Variants in SLC6A13 observed in about 807,000 individuals in gnomAD.
SLC6A13 encodes solute carrier family 6 member 13.
Under a neutral mutation model 72.9 loss-of-function variants are expected in SLC6A13, and 69 were observed. The observed-to-expected ratio is 0.95, with a 90% CI of 0.78 to 1.16. SLC6A13 has a LOEUF of 1.16. Ranked by LOEUF, SLC6A13 falls within the 50% of genes most tolerant of loss-of-function variation. The probability of loss-of-function intolerance (pLI) is 0.00; values close to 1 mark genes in which losing one functional copy is unlikely to be tolerated. For missense variants in SLC6A13, 735 were observed against 760.5 expected (o/e 0.97, Z 0.39); for synonymous variants, 303 against 303.0 (o/e 1.00, Z 0.00).
chr12:237,153 C>A lies in SLC6A13; in HGVS notation c.696+5G>T, dbSNP rs773168748. The A allele has an allele frequency of 2.5e-6, 4 of 1,613,804 alleles. No homozygotes were observed. The highest frequency in any genetic ancestry group is 3.4e-6 in the Non-Finnish European group (4 of 1,179,842). ...ATGGGAGGGGCAGGAGCTCCCCACA[C>A]GAACCTTGCCTGTGGACTTCACCCC... On this transcript the variant is annotated splice_donor_5th_base_variant and intron_variant, in intron 6 of 14. Transcript: ENST00000343164.
intron 2 of SLC6A13, among the ~76,000 whole-genome samples, chr12:247,275 C>T (rs1430487072): frequency 1.3e-5 from 2 of 151,250 alleles, no homozygotes; most frequent in Non-Finnish European, 2.9e-5. Context: ...GTCCAAGGTG[C>T]ATCATAATCA....
chr12:236,889 A>G (rs1941951768), intron 6 of SLC6A13: 2 of 338,392 alleles, frequency 5.9e-6, no homozygotes, highest in African/African-American at 2.1e-5. Context: ...CTTGTGTTCA[A>G]TTTGCAATGT....
At chr12:258,310 C>T (rs1011605018) in intron 2 of SLC6A13, among the ~76,000 whole-genome samples, 3 of 152,162 alleles carry the variant, frequency 2.0e-5, no homozygotes, top group Non-Finnish European at 4.4e-5. Context: ...TCCATGGGCC[C>T]AGGGCATCTC....
intron 5 of SLC6A13, 67 bp from the exon 6 acceptor site, chr12:237,357 G>A (rs1941972659): frequency 6.4e-7 from 1 of 1,567,000 alleles, no homozygotes; most frequent in Non-Finnish European, 8.7e-7. Flanking sequence ...CCCCGTCCTG[G>A]GACAGTGGAG....
intron 7 of SLC6A13, among the ~76,000 whole-genome samples, chr12:234,258 A>C (rs371973411): frequency 1.4e-4 from 21 of 152,344 alleles, no homozygotes; most frequent in African/African-American, 5.1e-4. Context: ...CACCAGCTCC[A>C]TGACAGTTTA....
At chr12:259,664 C>G in intron 2 of SLC6A13, 187 bp downstream of exon 2, 2 of 1,453,632 alleles carry the variant, frequency 1.4e-6, no homozygotes, top group Non-Finnish European at 1.8e-6. Flanking sequence ...TAGAAAGAGC[C>G]CTGGGATAGT....
chr12:238,845 G>A (rs1188277245), intron 4 of SLC6A13, among the ~76,000 whole-genome samples: 4 of 152,102 alleles, frequency 2.6e-5, no homozygotes, highest in African/African-American at 9.7e-5. Context: ...ACCCGGTACA[G>A]GGTGGCAGCA....
chr12:246,132 A>AAAATAAATAAATAAATAAATAAATAAAT (rs71045049), intron 2 of SLC6A13, among the ~76,000 whole-genome samples: 5 of 146,902 alleles, frequency 3.4e-5, no homozygotes, highest in African/African-American at 1.3e-4. Context: ...AATAAAAGTA[A>AAAATAAATAAATAAATAAATAAATAAAT]AAATAAATAA....
At chr12:252,681 G>C (rs927375874) in intron 2 of SLC6A13, among the ~76,000 whole-genome samples, 1 of 152,198 alleles carries the variant, frequency 6.6e-6, no homozygotes, top group Admixed American at 6.5e-5. Context: ...AGGAAAACAG[G>C]AAAGATAGAA....
At chr12:237,406 G>T (rs2137285794) in intron 5 of SLC6A13, 116 bp from the exon 6 acceptor site, 3 of 1,146,606 alleles carry the variant, frequency 2.6e-6, no homozygotes, top group South Asian at 1.4e-5. Flanking sequence ...AGGCTTCTCT[G>T]CTCTCTTCAC....
Position 224,418 on chromosome 12 carries a change from G to A in SLC6A13, c.1156C>T (p.Leu386=), listed in dbSNP as rs142333669. The A allele has an allele frequency of 4.3e-5, 70 of 1,614,046 alleles. No individual in the cohort carries two copies. The African/African-American group carries it at 8.4e-4, about 19-fold the overall frequency. Residue 386 remains leucine, a synonymous_variant, in exon 10 of 15, where the codon CTG becomes TTG. Coordinates refer to ENST00000343164, the MANE Select transcript of SLC6A13 (RefSeq NM_016615.5). ...ACCFFFMVVL[L]GLDSQFVCVE... is the part of the protein sequence containing the mutation. The stretch of plus-strand genomic sequence containing the variant: ...CTTGATACCTGGCTATCCAGTCCCA[G>A]GAGAACGACCATGAAGAAGAAACAG...
At chr12:222,838 A>G (rs1440558805) in intron 12 of SLC6A13, among the ~76,000 whole-genome samples, 1 of 152,208 alleles carries the variant, frequency 6.6e-6, no homozygotes, top group Admixed American at 6.5e-5. Flanking sequence ...GCTTGGGTAC[A>G]GGCAGTCACT....
At chr12:241,728 C>G (rs1192829915) in intron 4 of SLC6A13, among the ~76,000 whole-genome samples, 1 of 152,238 alleles carries the variant, frequency 6.6e-6, no homozygotes, top group Non-Finnish European at 1.5e-5. Flanking sequence ...TTCTTTTGGA[C>G]AGCATTGCCC....
intron 7 of SLC6A13, among the ~76,000 whole-genome samples, chr12:233,017 T>A (rs568681524): frequency 4.6e-5 from 7 of 152,348 alleles, no homozygotes; most frequent in African/African-American, 1.7e-4. Context: ...CATCAGTGAA[T>A]ATGCTGGTGC....
intron 8 of SLC6A13, 111 bp from the exon 9 acceptor site, chr12:226,625 C>G: frequency 7.3e-7 from 1 of 1,363,360 alleles, no homozygotes; most frequent in Middle Eastern, 2.7e-4. Flanking sequence ...CTGTCCTGGC[C>G]CCTTCACGGA....
intron 2 of SLC6A13, among the ~76,000 whole-genome samples, chr12:244,271 G>A (rs2137299604): frequency 6.6e-6 from 1 of 152,320 alleles, no homozygotes; most frequent in East Asian, 1.9e-4. Flanking sequence ...CCTAAAGTTC[G>A]TGGTTGGAAA....
At chr12:226,651 A>G (rs959118260) in intron 8 of SLC6A13, 137 bp from the exon 9 acceptor site, 6 of 1,111,396 alleles carry the variant, frequency 5.4e-6, no homozygotes, top group Admixed American at 2.9e-5. Context: ...GAGCAGGGCT[A>G]CCTGGCAGAA....
intron 9 of SLC6A13, 67 bp downstream of exon 9, chr12:226,323 T>C: frequency 6.2e-7 from 1 of 1,603,754 alleles, no homozygotes. Context: ...TGGAAACGCC[T>C]CTAGACGCTT....
At chr12:262,713 G>A (rs747162346) in intron 1 of SLC6A13, 76 bp downstream of exon 1, 1 of 984,828 alleles carries the variant, frequency 1.0e-6, no homozygotes, top group Non-Finnish European at 1.2e-6. Context: ...TCCTTTGGTT[G>A]TAAGTCCCAT....
Sources: gnomAD v4.1 joint callset for allele counts (sites outside exome capture counted in the v4.1 genomes callset) on GRCh38, gnomAD v4.1.1 for gene constraint, MANE v1.5 for transcripts, NCBI Gene and HGNC (gene_info 2026-07-23, HGNC 2026-07-21) for gene names.